CPXM2: variants seen among roughly 807,000 people sequenced by gnomAD.
CPXM2 encodes the protein inactive carboxypeptidase-like protein X2.
CPXM2 carries 66 observed loss-of-function variants against 86.1 expected under a neutral mutation model. That is an observed-to-expected ratio of 0.77 (90% confidence interval 0.63 to 0.94). The LOEUF is 0.94. Among genes scored for constraint, CPXM2 ranks in the 40% least tolerant of loss-of-function variants. The pLI is 0.00. For missense variants in CPXM2, 948 were observed against 1,026.3 expected (o/e 0.92, Z 1.04); for synonymous variants, 388 against 400.2 (o/e 0.97, Z 0.36).
intron 2 of CPXM2, among the ~76,000 whole-genome samples, chr10:123,874,266 C>T (rs938460074): frequency 4.6e-5 from 7 of 152,178 alleles, no homozygotes; most frequent in East Asian, 1.9e-4. Flanking sequence ...CCTCTCCCTG[C>T]GTCCTAACAT....
rs1366500754 is a variant in CPXM2, at chr10:123,749,649, T to G, written c.2018-2632A>C. On this transcript the variant is annotated intron_variant, in intron 13 of 13. Coordinates refer to ENST00000241305, the MANE Select transcript of CPXM2 (RefSeq NM_198148.3). ...TTTGTTCCAGCCATTCTGAGTGCCT[T>G]GCAGTGGTGTCTCAGGACACACACA... Among the ~76,000 whole-genome samples the G allele has an allele frequency of 2.0e-5, 3 of 152,242 alleles. No homozygotes were observed. In the East Asian group the frequency reaches 5.8e-4, roughly 29 times the overall value.
At chr10:123,828,194 G>T (rs1189585698) in intron 4 of CPXM2, among the ~76,000 whole-genome samples, 1 of 151,998 alleles carries the variant, frequency 6.6e-6, no homozygotes, top group Non-Finnish European at 1.5e-5. Flanking sequence ...AAGAAAAAAA[G>T]TTAAAGAAAG....
intron 2 of CPXM2, among the ~76,000 whole-genome samples, chr10:123,936,183 C>T (rs538830932): frequency 7.6e-4 from 42 of 55,610 alleles, no homozygotes; most frequent in South Asian, 2.4e-3. Flanking sequence ...CCAAAGTAGC[C>T]CTGTAAGATC....
Position 123,797,978 on chromosome 10 carries a change from G to A in CPXM2, c.887C>T (p.Pro296Leu), listed in dbSNP as rs776692250. ...MRMEILGCPL[P>L]DPNNYYHRRN... ...GAAGCACAGGAGGGTGAACTCACCT[G>A]GCAGTGGGCAGCCCAGGATCTCCAT... is the stretch of plus-strand genomic sequence containing the variant. The change falls in exon 6 of 14, where the codon CCA (proline) becomes CTA (leucine). Residue 296 changes from proline to leucine, a missense_variant and splice_region_variant. Pro to Leu is a moderately conservative substitution (Grantham distance 98). Coordinates refer to ENST00000241305, the MANE Select transcript of CPXM2 (RefSeq NM_198148.3). 1 of 1,598,650 alleles carries A rather than the reference G, an allele frequency of 6.3e-7. No homozygotes were observed. Among genetic ancestry groups the A allele is most frequent in the Non-Finnish European group, 8.5e-7 (1 of 1,172,700 alleles).
chr10:123,879,308 G>A (rs981558122), intron 2 of CPXM2, among the ~76,000 whole-genome samples: 2 of 152,310 alleles, frequency 1.3e-5, no homozygotes, highest in East Asian at 1.9e-4. Flanking sequence ...TCCTGCCTCT[G>A]TAAATGCAAA....
chr10:123,923,891 A>G (rs9423228), intron 2 of CPXM2, among the ~76,000 whole-genome samples: 98,098 of 152,074 alleles, frequency 0.65, 31,866 homozygotes, highest in Non-Finnish European at 0.66. Context: ...CATGATTGTG[A>G]GGCCTCCCCA....
At chr10:123,899,557 C>T (rs576007777) in intron 2 of CPXM2, among the ~76,000 whole-genome samples, 68 of 152,368 alleles carry the variant, frequency 4.5e-4, no homozygotes, top group African/African-American at 1.4e-3. Context: ...TGGCTCATGC[C>T]TCTAACCCCA....
At chr10:123,895,171 T>C (rs1945327013), upstream of CPXM2, among the ~76,000 whole-genome samples, 1 of 142,484 alleles carries the variant, frequency 7.0e-6, no homozygotes, top group African/African-American at 2.6e-5. Flanking sequence ...TCACCCTGGC[T>C]TGAGTGCAGT....
At chr10:123,924,254 C>T (rs1477891433) in intron 2 of CPXM2, among the ~76,000 whole-genome samples, 3 of 152,144 alleles carry the variant, frequency 2.0e-5, no homozygotes, top group Non-Finnish European at 4.4e-5. Flanking sequence ...GGGCTCAGTC[C>T]CACAAGACTG....
At chr10:123,792,588 A>C (rs1847229920) in intron 6 of CPXM2, among the ~76,000 whole-genome samples, 1 of 152,116 alleles carries the variant, frequency 6.6e-6, no homozygotes, top group Non-Finnish European at 1.5e-5. Context: ...GATAGGAAAG[A>C]TCTCCCCAGG....
At chr10:123,888,910 A>T (rs1001322495) in intron 1 of CPXM2, among the ~76,000 whole-genome samples, 2 of 152,186 alleles carry the variant, frequency 1.3e-5, no homozygotes, top group African/African-American at 4.8e-5. Context: ...TGGGGCTTGG[A>T]GATCCCGGTG....
At position 123,939,760 on chromosome 10, in the gene CPXM2, G is replaced by T. The variant is rs147158792; in HGVS notation, n.120-229C>A. Among the ~76,000 whole-genome samples, 537 of 152,228 alleles carry T rather than the reference G, an allele frequency of 3.5e-3. 4 individuals carry two copies. Among genetic ancestry groups the T allele is most frequent in the African/African-American group, 0.012 (513 of 41,534 alleles). ...ACGCATGCTAAGTGGGAGCACAGAG[G>T]CCCAAGGCATCAGTCTGCCATGAGA... On this transcript the variant is annotated intron_variant and non_coding_transcript_variant, in intron 1 of 19. Coordinates refer to the CPXM2 transcript ENST00000368854.
chr10:123,800,637 G>A (rs1564775834), intron 4 of CPXM2, among the ~76,000 whole-genome samples: 1 of 151,998 alleles, frequency 6.6e-6, no homozygotes, highest in African/African-American at 2.4e-5. Flanking sequence ...CCGAGAGAGA[G>A]GTGATGAATG....
At chr10:123,826,327 G>A (rs1314778133) in intron 4 of CPXM2, among the ~76,000 whole-genome samples, 1 of 152,116 alleles carries the variant, frequency 6.6e-6, no homozygotes, top group African/African-American at 2.4e-5. Flanking sequence ...TTCACTCACA[G>A]GTAGAATGAG....
chr10:123,893,675 C>T (rs1479505761), upstream of CPXM2, among the ~76,000 whole-genome samples: 1 of 152,090 alleles, frequency 6.6e-6, no homozygotes, highest in Non-Finnish European at 1.5e-5. Flanking sequence ...CCCACCCACC[C>T]TCCTCCATGG....
intron 4 of CPXM2, among the ~76,000 whole-genome samples, chr10:123,810,034 T>C (rs1426075654): frequency 6.6e-6 from 1 of 151,822 alleles, no homozygotes; most frequent in Non-Finnish European, 1.5e-5. Context: ...TGTAAGAAAG[T>C]TGAAATTAAT....
At chr10:123,818,929 A>T (rs1847868599) in intron 4 of CPXM2, among the ~76,000 whole-genome samples, 1 of 151,954 alleles carries the variant, frequency 6.6e-6, no homozygotes, top group Non-Finnish European at 1.5e-5. Context: ...ACTCACCATC[A>T]CCCCTAGTGA....
At chr10:123,926,691 GC>G (rs1329290032) in intron 2 of CPXM2, among the ~76,000 whole-genome samples, 2 of 152,128 alleles carry the variant, frequency 1.3e-5, no homozygotes, top group African/African-American at 4.8e-5. Flanking sequence ...CCTTTCTCCT[GC>G]CTGGAACATA....
chr10:123,826,695 C>T (rs1848053680), intron 4 of CPXM2, among the ~76,000 whole-genome samples: 1 of 152,002 alleles, frequency 6.6e-6, no homozygotes, highest in Admixed American at 6.6e-5. Context: ...TATGCTGATA[C>T]ACAAGAAACA....
Sources: allele counts gnomAD v4.1 joint callset (sites outside exome capture counted in the v4.1 genomes callset), GRCh38; gene constraint gnomAD v4.1.1; transcripts MANE v1.5; gene names NCBI Gene and HGNC (gene_info 2026-07-23, HGNC 2026-07-21).